Variants in OXCT1 observed in about 807,000 individuals in gnomAD.
The protein encoded by OXCT1 is succinyl-CoA:3-ketoacid coenzyme A transferase 1, mitochondrial.
Under a neutral mutation model 69.6 loss-of-function variants are expected in OXCT1, and 27 were observed. That is an observed-to-expected ratio of 0.39 (90% CI 0.29 to 0.54). OXCT1 has a LOEUF of 0.54. Ranked by LOEUF, OXCT1 falls within the 20% of genes least tolerant of loss-of-function variation. The pLI is 0.72. For synonymous variants in OXCT1, 202 were observed against 217.8 expected (o/e 0.93, Z 0.64); for missense variants, 437 against 650.2 (o/e 0.67, Z 3.57).
chr5:41,851,525 C>T (rs1219248138), intron 4 of OXCT1, among the ~76,000 whole-genome samples: 4 of 152,116 alleles, frequency 2.6e-5, no homozygotes, highest in Admixed American at 2.6e-4. Context: ...TGGACTATTT[C>T]TGCAGATAGG....
At chr5:41,737,851 C>T (rs1742965228) in intron 16 of OXCT1, among the ~76,000 whole-genome samples, 1 of 152,140 alleles carries the variant, frequency 6.6e-6, no homozygotes, top group Admixed American at 6.5e-5. Flanking sequence ...GTCAGGAGAT[C>T]GAGACCATCC....
At chr5:41,806,077 T>A (rs1746666009) in intron 8 of OXCT1, among the ~76,000 whole-genome samples, 1 of 152,046 alleles carries the variant, frequency 6.6e-6, no homozygotes, top group East Asian at 1.9e-4. Flanking sequence ...GTTTACCAGG[T>A]GTTGCTGCTG....
chr5:41,849,966 A>G, intron 5 of OXCT1, 64 bp downstream of exon 5: 1 of 1,527,556 alleles, frequency 6.5e-7, no homozygotes, highest in Non-Finnish European at 9.1e-7. Context: ...TTGCCCAATG[A>G]TCCACCCAAA....
chr5:41,807,628 G>A lies in OXCT1; in HGVS notation c.733-190C>T, dbSNP rs192558672. Among the ~76,000 whole-genome samples, 274 of 152,108 alleles carry A rather than the reference G, an allele frequency of 1.8e-3. 4 individuals are homozygous for A. The highest frequency in any genetic ancestry group is 0.018 in the Admixed American group (271 of 15,256). ...TCACACCTCCTGGACCCACAAAAGA[G>A]AAGAAATTAAAGTGTATGCGTCTGA... On this transcript the variant is annotated intron_variant, in intron 7 of 16. Coordinates refer to ENST00000196371, the MANE Select transcript of OXCT1 (RefSeq NM_000436.4).
At chr5:41,799,376 T>C (rs1746325866) in intron 11 of OXCT1, among the ~76,000 whole-genome samples, 2 of 152,312 alleles carry the variant, frequency 1.3e-5, no homozygotes, top group South Asian at 4.1e-4. Flanking sequence ...ATTATTAAAC[T>C]GACTTGGAGC....
chr5:41,780,510 C>T (rs547642314), intron 13 of OXCT1, among the ~76,000 whole-genome samples: 1 of 152,198 alleles, frequency 6.6e-6, no homozygotes, highest in South Asian at 2.1e-4. Flanking sequence ...AAATCAAGTT[C>T]CTCAATCACT....
intron 7 of OXCT1, among the ~76,000 whole-genome samples, chr5:41,814,400 C>T (rs1178711092): frequency 1.3e-5 from 2 of 151,944 alleles, no homozygotes; most frequent in African/African-American, 4.8e-5. Context: ...ATTCCAAACA[C>T]CATGCTGCTA....
rs149275917 is a variant in OXCT1 at position 41,762,280 on chromosome 5, G to A, written c.1249-80C>T. On this transcript the variant is annotated intron_variant, in intron 13 of 16. Coordinates refer to ENST00000196371, the MANE Select transcript of OXCT1 (RefSeq NM_000436.4). The surrounding 1 kb of genome is among the most constrained non-coding windows in gnomAD (Gnocchi z 4.0). The stretch of plus-strand genomic sequence containing the variant: ...GAACAAAATTAACTTGCAAAAATAA[G>A]CTACTAGAATCATTAAAAACTCATT... 1.8e-4 allele frequency: 192 copies of A among 1,091,578 alleles called. 1 individual carries two copies. The East Asian group carries it at 4.2e-3, about 24-fold the overall frequency. The allele number at this position is 1,091,578 out of a possible 1,614,324, so 67.6% of individuals were successfully genotyped here.
chr5:41,853,345 A>T (rs1276276900), intron 4 of OXCT1, 74 bp downstream of exon 4: 17 of 1,418,992 alleles, frequency 1.2e-5, no homozygotes, highest in Non-Finnish European at 1.4e-5. Flanking sequence ...TCTTTTGCAC[A>T]AAGAAATTTC....
intron 13 of OXCT1, among the ~76,000 whole-genome samples, chr5:41,775,364 G>T (rs1016862591): frequency 6.6e-6 from 1 of 152,180 alleles, no homozygotes; most frequent in African/African-American, 2.4e-5. Flanking sequence ...TAGGATTCAG[G>T]AAGGCATTTT....
intron 7 of OXCT1, among the ~76,000 whole-genome samples, chr5:41,837,303 G>GA (rs879784629): frequency 0.024 from 3,084 of 129,562 alleles, 85 homozygotes; most frequent in African/African-American, 0.072. Flanking sequence ...CTTTATTTAA[G>GA]AAAAAAAAAA....
At position 41,743,537 on chromosome 5, in the gene OXCT1, C is replaced by T. The variant is rs953383426; in HGVS notation, c.1420-4046G>A. 2.6e-5 allele frequency among the ~76,000 whole-genome samples: 4 copies of T among 152,262 alleles called. No individual in the cohort carries two copies. The East Asian group carries it at 5.8e-4, about 22-fold the overall frequency. On this transcript the variant is annotated intron_variant, in intron 15 of 16. Transcript: ENST00000196371. ...TGTTGCCATTGCTTTTGGTGTTTTA[C>T]ACATGAAGTCCTCGCCCATGCCTAT...
At chr5:41,810,637 G>A (rs540364257) in intron 7 of OXCT1, among the ~76,000 whole-genome samples, 6 of 152,162 alleles carry the variant, frequency 3.9e-5, no homozygotes, top group South Asian at 2.1e-4. Flanking sequence ...TCTCTGCACT[G>A]CACTCTTCCT....
At chr5:41,848,536 C>A (rs1443490077) in intron 5 of OXCT1, among the ~76,000 whole-genome samples, 1 of 145,380 alleles carries the variant, frequency 6.9e-6, no homozygotes, top group African/African-American at 2.5e-5. Flanking sequence ...TCAAACTATA[C>A]TACAAGGCTA....
At chr5:41,833,956 C>A (rs116773615) in intron 7 of OXCT1, among the ~76,000 whole-genome samples, 2 of 150,868 alleles carry the variant, frequency 1.3e-5, no homozygotes, top group Non-Finnish European at 3.0e-5. Context: ...CAGCTACTTA[C>A]GAGATCATGC....
intron 15 of OXCT1, among the ~76,000 whole-genome samples, chr5:41,742,610 C>T (rs1029757906): frequency 6.6e-6 from 1 of 152,136 alleles, no homozygotes; most frequent in African/African-American, 2.4e-5. Context: ...TTAGGTATAT[C>T]TCCTAATGCT....
At chr5:41,861,467 G>A (rs953798683) in intron 2 of OXCT1, 63 bp from the exon 3 acceptor site, 12 of 956,726 alleles carry the variant, frequency 1.3e-5, no homozygotes, top group Middle Eastern at 4.4e-4. Context: ...TCAGAGAAGT[G>A]TGTGTTATTC....
chr5:41,745,081 A>G (rs1491002663), intron 15 of OXCT1, among the ~76,000 whole-genome samples: 1 of 152,100 alleles, frequency 6.6e-6, no homozygotes, highest in Non-Finnish European at 1.5e-5. Flanking sequence ...CTCCACCCCA[A>G]ATCAACAGAA....
intron 14 of OXCT1, among the ~76,000 whole-genome samples, chr5:41,751,794 T>C (rs1186836209): frequency 1.3e-5 from 2 of 152,054 alleles, no homozygotes; most frequent in African/African-American, 4.8e-5. Context: ...AACACAAATT[T>C]GGGGGCAAAC....
Sources: allele counts gnomAD v4.1 joint callset (sites outside exome capture counted in the v4.1 genomes callset), GRCh38; gene constraint gnomAD v4.1.1; non-coding constraint Gnocchi (gnomAD v3.1); transcripts MANE v1.5; gene names NCBI Gene and HGNC (gene_info 2026-07-23, HGNC 2026-07-21).